The following TLR5 variants were observed in gnomAD, a reference collection of about 807,000 sequenced individuals.
The protein encoded by TLR5 is toll-like receptor 5.
For missense variants in TLR5, 944 were observed against 999.8 expected (o/e 0.94, Z 0.75); for synonymous variants, 373 against 384.4 (o/e 0.97, Z 0.35).
intron 5 of TLR5, among the ~76,000 whole-genome samples, chr1:223,126,676 G>A (rs1657179438): frequency 2.0e-5 from 3 of 152,156 alleles, no homozygotes; most frequent in Admixed American, 6.5e-5. Context: ...TCTGAGAAGT[G>A]TTGGTCTAAT....
Position 223,110,383 on chromosome 1 carries a change from A to G in TLR5, c.*72T>C. ...AAAAACCTCCAGAGAGGACCCCAAA[A>G]TGATAACTTGGTGCAAATACAAAGT... is the stretch of plus-strand genomic sequence containing the variant. On this transcript the variant is annotated 3_prime_UTR_variant, in exon 6 of 6. Coordinates refer to ENST00000642603, the MANE Select transcript of TLR5 (RefSeq NM_003268.6). 6.4e-7 allele frequency: 1 copy of G among 1,562,244 alleles called. No homozygotes were observed. The highest frequency in any genetic ancestry group is 1.1e-5 in the South Asian group (1 of 88,382).
At chr1:223,125,045 T>G (rs757646601) in intron 5 of TLR5, among the ~76,000 whole-genome samples, 5 of 152,262 alleles carry the variant, frequency 3.3e-5, no homozygotes, top group African/African-American at 7.2e-5. Flanking sequence ...TTGTGTATTC[T>G]TTTGTGTTTT....
At chr1:223,113,554 G>A (rs1162503311) in intron 5 of TLR5, among the ~76,000 whole-genome samples, 2 of 151,954 alleles carry the variant, frequency 1.3e-5, no homozygotes, top group Non-Finnish European at 2.9e-5. Context: ...TGTATACTAG[G>A]CACTATTCTA....
chr1:223,111,559 AG>A lies in TLR5; in HGVS notation c.1472del (p.Thr491MetfsTer19). The A allele has an allele frequency of 6.2e-7, 1 of 1,614,180 alleles. No individual in the cohort carries two copies. The highest frequency in any genetic ancestry group is 8.5e-7 in the Non-Finnish European group (1 of 1,180,040). ...GENMLQLAWE[T>X]ELCWDVFEGL... ...CCTCAAAAACATCCCAACAGAGCTCAGTTTCCCAGGCAAGTTGCAACATATT... is the reference window on the plus strand; with the variant it reads ...CCTCAAAAACATCCCAACAGAGCTCATTTCCCAGGCAAGTTGCAACATATT... On this transcript the variant is annotated frameshift_variant, in exon 6 of 6. Coordinates refer to ENST00000642603, the MANE Select transcript of TLR5 (RefSeq NM_003268.6). LOFTEE classifies it low-confidence loss of function (END_TRUNC).
In TLR5 at chr1:223,111,763, A is replaced by G. The variant is rs752566989; in HGVS notation, c.1269T>C (p.Leu423=). 58 of 1,614,060 alleles carry G rather than the reference A, an allele frequency of 3.6e-5. No individual in the cohort carries two copies. Among genetic ancestry groups the G allele is most frequent in the Admixed American group, 5.0e-5 (3 of 60,006 alleles). The change falls in exon 6 of 6, where the codon CTT becomes CTC. Residue 423 remains leucine (L), a synonymous_variant. Coordinates refer to ENST00000642603, the MANE Select transcript of TLR5 (RefSeq NM_003268.6). ...CTGATAAGTGGATGAGGTTCGCTGT[A>G]AGGTTGATCTTTGGCAAAGTCACTA... ...NKLVTLPKIN[L]TANLIHLSEN...
intron 4 of TLR5, among the ~76,000 whole-genome samples, chr1:223,134,183 A>T (rs1330981026): frequency 6.6e-6 from 1 of 151,982 alleles, no homozygotes; most frequent in Non-Finnish European, 1.5e-5. Flanking sequence ...GCTTCCAGGG[A>T]TCCTCCAGTG....
At chr1:223,125,695 G>A (rs934746059) in intron 5 of TLR5, among the ~76,000 whole-genome samples, 3 of 152,112 alleles carry the variant, frequency 2.0e-5, no homozygotes, top group African/African-American at 7.2e-5. Context: ...TAGCCATTGT[G>A]TGAATTTTAT....
Position 223,110,948 on chromosome 1 carries a change from G to A in TLR5, c.2084C>T (p.Ala695Val), listed in dbSNP as rs750312595. The A allele has an allele frequency of 1.6e-5, 26 of 1,614,222 alleles. No homozygotes were observed. In the South Asian group the frequency reaches 2.3e-4, roughly 14 times the overall value. ...GTCTTTGCTGCTGAAGCACAAATAG[G>A]CATCATATTTGTACATATCAGGTTC... is the stretch of plus-strand genomic sequence containing the variant. ...GTEPDMYKYD[A>V]YLCFSSKDFT... Residue 695 changes from alanine to valine, a missense_variant, in exon 6 of 6, where the codon GCC (alanine) becomes GTC (valine). Transcript: ENST00000642603.
chr1:223,111,634 A>G lies in TLR5; in HGVS notation c.1398T>C (p.Asp466=). The change falls in exon 6 of 6, where the codon GAT becomes GAC. Residue 466 remains aspartate (D), a synonymous_variant. Transcript: ENST00000642603. ...NQNRFSSCSG[D]QTPSENPSLE... The stretch of plus-strand genomic sequence containing the variant: ...AGCTGGGATTCTCTGAAGGGGTTTG[A>G]TCTCCACTACAGGAGGAGAAGCGAT... 6.2e-7 allele frequency: 1 copy of G among 1,614,188 alleles called. No homozygotes were observed. The highest frequency in any genetic ancestry group is 8.5e-7 in the Non-Finnish European group (1 of 1,180,022).
chr1:223,116,532 G>A (rs1415975671), intron 5 of TLR5, among the ~76,000 whole-genome samples: 1 of 152,158 alleles, frequency 6.6e-6, no homozygotes, highest in Non-Finnish European at 1.5e-5. Context: ...CAAAGAGCGA[G>A]CGGCAGCAAG....
In TLR5 at chr1:223,112,041, C is replaced by T. The variant is rs1054628567; in HGVS notation, c.991G>A (p.Ala331Thr). The T allele has an allele frequency of 1.2e-6, 2 of 1,614,160 alleles. No homozygotes were observed. The highest frequency in any genetic ancestry group is 1.7e-6 in the Non-Finnish European group (2 of 1,180,038). ...YNKINKIADE[A>T]FYGLDNLQVL... ...TGGAGGTTGTCAAGTCCGTAAAATG[C>T]TTCATCTGCAATCTTATTTATCTTG... is the stretch of plus-strand genomic sequence containing the variant. The change falls in exon 6 of 6, where the codon GCA becomes ACA. Residue 331 changes from alanine to threonine, a missense_variant. Coordinates refer to ENST00000642603, the MANE Select transcript of TLR5 (RefSeq NM_003268.6).
chr1:223,124,794 G>T (rs181088561), intron 5 of TLR5, among the ~76,000 whole-genome samples: 4 of 152,186 alleles, frequency 2.6e-5, no homozygotes, highest in Non-Finnish European at 4.4e-5. Flanking sequence ...AGTAGAGATA[G>T]CCTTTCACCA....
chr1:223,111,665 T>C lies in TLR5; in HGVS notation c.1367A>G (p.Asn456Ser). 1 of 1,614,158 alleles carries C rather than the reference T, an allele frequency of 6.2e-7. No individual in the cohort carries two copies. Among genetic ancestry groups the C allele is most frequent in the South Asian group, 1.1e-5 (1 of 91,088 alleles). ...ACTACAGGAGGAGAAGCGATTTTGA[T>C]TTAAAATGAGAATCTGGAGATGAGG... ...RVPHLQILILNQNRFSSCSGD... is the reference protein window; with the variant it reads ...RVPHLQILILSQNRFSSCSGD... Residue 456 changes from asparagine to serine, a missense_variant, in exon 6 of 6, where the codon AAT becomes AGT. By Grantham distance (46) the Asn-to-Ser change is conservative. Transcript: ENST00000642603.
chr1:223,140,304 T>G (rs894957311), intron 2 of TLR5, among the ~76,000 whole-genome samples: 1 of 152,142 alleles, frequency 6.6e-6, no homozygotes, highest in Non-Finnish European at 1.5e-5. Context: ...CCTAGCACTT[T>G]GGGAGGCCAA....
intron 5 of TLR5, chr1:223,126,883 A>G (rs144241191): frequency 6.6e-6 from 1 of 152,358 alleles, no homozygotes; most frequent in African/African-American, 2.4e-5. Context: ...TAATTAAGTT[A>G]ATGAGGCCAG....
intron 5 of TLR5, chr1:223,126,808 C>T (rs149945996): frequency 8.5e-5 from 13 of 152,246 alleles, no homozygotes; most frequent in Non-Finnish European, 1.6e-4. Context: ...GTATCTAGGG[C>T]TTTGAGGGGG....
At chr1:223,123,195 C>A (rs1326165978) in intron 5 of TLR5, among the ~76,000 whole-genome samples, 1 of 152,144 alleles carries the variant, frequency 6.6e-6, no homozygotes, top group Non-Finnish European at 1.5e-5. Flanking sequence ...TCTCATGAAA[C>A]CAGAGAAATC....
rs1361937273 is a variant in TLR5 at position 223,112,410 on chromosome 1, A to T, written c.622T>A (p.Leu208Met). 3.1e-6 allele frequency: 5 copies of T among 1,614,122 alleles called. No individual in the cohort carries two copies. In the African/African-American group the frequency reaches 6.7e-5, roughly 22 times the overall value. The change falls in exon 6 of 6, where the codon TTG becomes ATG. Residue 208 changes from leucine to methionine, a missense_variant. Leu to Met is a conservative substitution (Grantham distance 15). Coordinates refer to ENST00000642603, the MANE Select transcript of TLR5 (RefSeq NM_003268.6). ...CAGTCCACTGAGACTCTGCTATACA[A>T]GCTATTAGCTGCGAGGCTAAAAAAG... is the stretch of plus-strand genomic sequence containing the variant. Reference protein sequence around the residue: ...LSFFSLAANSLYSRVSVDWGK... With the variant: ...LSFFSLAANSMYSRVSVDWGK...
In TLR5 at chr1:223,112,384, C is replaced by T; in HGVS notation, c.648G>A (p.Trp216Ter). ...TTCTGAATGGGTTCATACATTTTCC[C>T]CAGTCCACTGAGACTCTGCTATACA... ...NSLYSRVSVD[W>*]GKCMNPFRNM... Residue 216 changes from tryptophan to a stop codon, truncating the protein, a stop_gained, in exon 6 of 6, where the codon TGG becomes TGA. Transcript: ENST00000642603. LOFTEE classifies it low-confidence loss of function (END_TRUNC). The T allele has an allele frequency of 6.2e-7, 1 of 1,614,198 alleles. No individual in the cohort carries two copies.
Sources: allele counts gnomAD v4.1 joint callset (sites outside exome capture counted in the v4.1 genomes callset), GRCh38; gene constraint gnomAD v4.1.1; transcripts MANE v1.5; gene names NCBI Gene and HGNC (gene_info 2026-07-23, HGNC 2026-07-21).